SMYD2: variants seen among roughly 807,000 people sequenced by gnomAD.
The protein encoded by SMYD2 is SET and MYND domain containing 2, also known as N-lysine methyltransferase SMYD2.
A neutral mutation model predicts 59.1 loss-of-function variants in SMYD2; 53 were observed. That is an observed-to-expected ratio of 0.90 (90% CI 0.72 to 1.13). The LOEUF (loss-of-function observed/expected upper bound fraction) is 1.13, where lower values mean the gene tolerates loss of function less well. Among genes scored for constraint, SMYD2 ranks in the 50% most tolerant of loss-of-function variants. The probability of loss-of-function intolerance (pLI) is 0.00; values close to 1 mark genes in which losing one functional copy is unlikely to be tolerated. For synonymous variants in SMYD2, 208 were observed against 198.8 expected, an observed-to-expected ratio of 1.05 and a Z score of -0.39; for missense variants, 494 against 544.7, an observed-to-expected ratio of 0.91 and a Z score of 0.93.
At chr1:214,321,866 A>G (rs1400068628) in intron 5 of SMYD2, among the ~76,000 whole-genome samples, 2 of 152,250 alleles carry the variant, frequency 1.3e-5, no homozygotes, top group African/African-American at 4.8e-5. Flanking sequence ...AGGGAAGGAA[A>G]GCTGGCAGGA....
At chr1:214,300,739 C>T (rs1430405112) in intron 1 of SMYD2, among the ~76,000 whole-genome samples, 1 of 152,162 alleles carries the variant, frequency 6.6e-6, no homozygotes, top group Non-Finnish European at 1.5e-5. Flanking sequence ...CCAATTCTGC[C>T]ACCTAGTTGC....
intron 1 of SMYD2, among the ~76,000 whole-genome samples, chr1:214,284,306 G>A (rs1487431039): frequency 3.3e-5 from 4 of 122,446 alleles, no homozygotes; most frequent in Non-Finnish European, 6.4e-5. Flanking sequence ...TGTTGCCCAG[G>A]CTGGAGTGCA....
intron 1 of SMYD2, among the ~76,000 whole-genome samples, chr1:214,301,601 T>G (rs965824534): frequency 6.6e-6 from 1 of 152,148 alleles, no homozygotes; most frequent in South Asian, 2.1e-4. Flanking sequence ...GGATGGCAGA[T>G]CTATGTTTTC....
chr1:214,331,201 ATGTGTAAAGG>A (rs1326408705), intron 9 of SMYD2, 131 bp downstream of exon 9: 1 of 1,339,098 alleles, frequency 7.5e-7, no homozygotes, highest in Non-Finnish European at 1.0e-6. Context: ...CTCCTAGTAA[ATGTGTAAAGG>A]CGTACTGACC....
At chr1:214,332,979 G>A (rs1483285270) in intron 10 of SMYD2, 2 of 152,188 alleles carry the variant, frequency 1.3e-5, no homozygotes, top group Non-Finnish European at 2.9e-5. Flanking sequence ...AGCATCCCAG[G>A]TGTTTCTCAG....
intron 1 of SMYD2, among the ~76,000 whole-genome samples, chr1:214,298,764 G>T (rs781615285): frequency 7.9e-5 from 12 of 152,150 alleles, no homozygotes; most frequent in Non-Finnish European, 1.6e-4. Flanking sequence ...ATGAAAAAAT[G>T]TTCAACATCA....
At chr1:214,304,672 C>T (rs549214838) in intron 1 of SMYD2, among the ~76,000 whole-genome samples, 3 of 151,100 alleles carry the variant, frequency 2.0e-5, no homozygotes, top group Non-Finnish European at 1.5e-5. Context: ...TCCATCTTTG[C>T]ATTTCTTGCA....
intron 5 of SMYD2, among the ~76,000 whole-genome samples, chr1:214,320,567 A>G (rs527714145): frequency 7.9e-4 from 120 of 152,242 alleles, no homozygotes; most frequent in Non-Finnish European, 1.3e-3. Context: ...TCGAGGCTGC[A>G]GTAAGCTGTG....
intron 1 of SMYD2, among the ~76,000 whole-genome samples, chr1:214,284,620 G>A (rs972322182): frequency 6.6e-6 from 1 of 151,064 alleles, no homozygotes; most frequent in Non-Finnish European, 1.5e-5. Flanking sequence ...AGGCTGGAGT[G>A]CAGTGGCACG....
At chr1:214,322,016 T>A (rs1657179663) in intron 5 of SMYD2, among the ~76,000 whole-genome samples, 5 of 152,172 alleles carry the variant, frequency 3.3e-5, no homozygotes, top group Non-Finnish European at 7.3e-5. Flanking sequence ...AAGGGACTGA[T>A]GGTCATAAAG....
At chr1:214,282,305 G>A (rs1158762569) in intron 1 of SMYD2, among the ~76,000 whole-genome samples, 1 of 152,232 alleles carries the variant, frequency 6.6e-6, no homozygotes, top group African/African-American at 2.4e-5. Flanking sequence ...GAGAGAAAGT[G>A]GAGTTACCTT....
chr1:214,330,007 T>G (rs148536245), intron 7 of SMYD2, among the ~76,000 whole-genome samples, 161 bp from the exon 8 acceptor site: 137 of 152,332 alleles, frequency 9.0e-4, no homozygotes, highest in African/African-American at 3.0e-3. Context: ...AGGTGGCTGC[T>G]CAGTTCAGGA....
intron 1 of SMYD2, among the ~76,000 whole-genome samples, chr1:214,287,044 G>A (rs1055814756): frequency 1.3e-5 from 2 of 151,684 alleles, no homozygotes; most frequent in African/African-American, 2.4e-5. Flanking sequence ...GGCCAGGCTG[G>A]TCTTGAACTC....
chr1:214,310,505 T>TTA (rs1656982499), intron 2 of SMYD2, among the ~76,000 whole-genome samples: 1 of 143,634 alleles, frequency 7.0e-6, no homozygotes, highest in African/African-American at 2.6e-5. Flanking sequence ...TTTTATTAAT[T>TTA]TTTTTTTTTT....
intron 2 of SMYD2, among the ~76,000 whole-genome samples, chr1:214,313,672 C>T (rs985942438): frequency 6.6e-6 from 1 of 152,060 alleles, no homozygotes; most frequent in Non-Finnish European, 1.5e-5. Context: ...TCACATTCTC[C>T]GTCCTCTCAC....
chr1:214,285,129 T>G (rs1221111351), intron 1 of SMYD2, among the ~76,000 whole-genome samples: 1 of 152,196 alleles, frequency 6.6e-6, no homozygotes, highest in African/African-American at 2.4e-5. Context: ...TTTTAAAAAT[T>G]AAATTGTTTG....
intron 2 of SMYD2, among the ~76,000 whole-genome samples, chr1:214,306,075 G>A (rs575584365): frequency 2.0e-5 from 3 of 152,186 alleles, no homozygotes; most frequent in Admixed American, 6.5e-5. Context: ...TGGACACCCC[G>A]TGGCATTTAT....
intron 2 of SMYD2, among the ~76,000 whole-genome samples, chr1:214,311,313 G>GTGCCTGATGAA (rs1656996324): frequency 6.6e-6 from 1 of 152,208 alleles, no homozygotes; most frequent in Non-Finnish European, 1.5e-5. Flanking sequence ...GGGATCCTTT[G>GTGCCTGATGAA]TGCCTGATGA....
chr1:214,297,563 C>G (rs1420636591), intron 1 of SMYD2, among the ~76,000 whole-genome samples: 3 of 152,152 alleles, frequency 2.0e-5, no homozygotes, highest in Admixed American at 2.0e-4. Context: ...TCTCCTCTCT[C>G]AAGCACATAT....
Sources: allele counts gnomAD v4.1 joint callset (sites outside exome capture counted in the v4.1 genomes callset), GRCh38; gene constraint gnomAD v4.1.1; transcripts MANE v1.5; gene names NCBI Gene and HGNC (gene_info 2026-07-23, HGNC 2026-07-21).